Variants in SARM1 observed in about 807,000 individuals in gnomAD.
SARM1 encodes NAD(+) hydrolase SARM1.
Under a neutral mutation model 65.1 loss-of-function variants are expected in SARM1, and 60 were observed. That is an observed-to-expected ratio of 0.92 (90% CI 0.75 to 1.14). The LOEUF is 1.14. Among genes scored for constraint, SARM1 ranks in the 50% most tolerant of loss-of-function variants. The pLI is 0.00. For synonymous variants in SARM1, 417 were observed against 465.4 expected, an observed-to-expected ratio of 0.90 and a Z score of 1.34; for missense variants, 913 against 1,015.7, an observed-to-expected ratio of 0.90 and a Z score of 1.37.
chr17:28,388,694 G>A (rs1469924324), intron 7 of SARM1, among the ~76,000 whole-genome samples, 155 bp downstream of exon 7: 4 of 152,024 alleles, frequency 2.6e-5, no homozygotes, highest in Non-Finnish European at 2.9e-5. Flanking sequence ...AGCTCTGACT[G>A]TAATAGGACT....
At position 28,400,352 on chromosome 17, in the gene SARM1, G is replaced by A. The variant is rs569945738; in HGVS notation, c.*4066G>A. The A allele has an allele frequency of 8.3e-6, 4 of 484,706 alleles. No individual in the cohort carries two copies. Among genetic ancestry groups the A allele is most frequent in the East Asian group, 7.7e-5 (2 of 25,862 alleles). 30.0% of individuals were successfully genotyped at this position (484,706 alleles called of 1,614,324 possible). On this transcript the variant is annotated 3_prime_UTR_variant, in exon 9 of 9. Coordinates refer to ENST00000585482, the MANE Select transcript of SARM1 (RefSeq NM_015077.4). ...AAAATGGGAATGGAGGGAAATAGGG[G>A]AACTGGGAGAGAGAACACAGCCTTG...
rs782299435 is a variant in SARM1, at chr17:28,381,294, T to C, written c.562T>C (p.Leu188=). The C allele has an allele frequency of 1.2e-6, 2 of 1,605,636 alleles. No individual in the cohort carries two copies. Among genetic ancestry groups the C allele is most frequent in the South Asian group, 2.2e-5 (2 of 89,100 alleles). ...GCTGGCGCGGAGCGTGGCAGGCATC[T>C]TGGAGCACATGTTCAAGCATTCGGA... The part of the protein sequence containing the change: ...VELARSVAGI[L]EHMFKHSEET... The change falls in exon 2 of 9, where the codon TTG becomes CTG. Residue 188 remains leucine (L), a synonymous_variant. Transcript: ENST00000585482.
chr17:28,389,120 C>T (rs999086004), intron 7 of SARM1, among the ~76,000 whole-genome samples: 7 of 152,040 alleles, frequency 4.6e-5, no homozygotes, highest in South Asian at 2.1e-4. Flanking sequence ...GAGAGCATAG[C>T]GACAGGCAGA....
intron 7 of SARM1, chr17:28,394,882 TAC>T (rs2068101645): frequency 2.0e-5 from 3 of 152,186 alleles, no homozygotes; most frequent in African/African-American, 7.2e-5. Context: ...GTGCGTATGT[TAC>T]AGTGCTTTGA....
In SARM1 at chr17:28,384,517, T is replaced by G; in HGVS notation, c.1250T>G (p.Val417Gly). ...GTGCCCAGCTGGAAGGAGGCCGAGG[T>G]TCAGACGTGGCTGCAGCAGATCGGT... is the stretch of plus-strand genomic sequence containing the variant. Reference protein sequence around the residue: ...PSVPSWKEAEVQTWLQQIGFS... With the variant: ...PSVPSWKEAEGQTWLQQIGFS... The change falls in exon 3 of 9, where the codon GTT becomes GGT. Residue 417 changes from valine (V) to glycine (G), a missense_variant. This residue lies in a region of SARM1 where 862 missense variants were observed against 952.1 expected (regional missense o/e 0.91). Transcript: ENST00000585482. This position sits in a 1 kb window ranked among gnomAD's most constrained non-coding sequence, Gnocchi z 4.4. 2 of 1,613,262 alleles carry G rather than the reference T, an allele frequency of 1.2e-6. No individual in the cohort carries two copies. Among genetic ancestry groups the G allele is most frequent in the Non-Finnish European group, 1.7e-6 (2 of 1,179,652 alleles).
chr17:28,380,479 T>C (rs1404709889), intron 1 of SARM1, among the ~76,000 whole-genome samples: 1 of 152,182 alleles, frequency 6.6e-6, no homozygotes, highest in Non-Finnish European at 1.5e-5. Flanking sequence ...ATCACTACGA[T>C]CTGGTTCACT....
chr17:28,400,574 C>T lies in SARM1; in HGVS notation c.*4288C>T. On this transcript the variant is annotated 3_prime_UTR_variant, in exon 9 of 9. Transcript: ENST00000585482. ...AAGAGGAAACTTTTAAGAGAAAGGGCTCCATTATGAGCATGGGTTCAGGGC... is the reference window on the plus strand; with the variant it reads ...AAGAGGAAACTTTTAAGAGAAAGGGTTCCATTATGAGCATGGGTTCAGGGC... The T allele has an allele frequency of 6.2e-7, 1 of 1,610,686 alleles. No individual in the cohort carries two copies. The highest frequency in any genetic ancestry group is 8.5e-7 in the Non-Finnish European group (1 of 1,178,238).
At position 28,372,180 on chromosome 17, in the gene SARM1, C is replaced by A; in HGVS notation, c.148C>A (p.Pro50Thr). The stretch of plus-strand genomic sequence containing the variant: ...ATGGTGGGCTGCGGGTGGCCGCGGG[C>A]CCCGCGAAGTGTCGCCGGGGGCAGG... ...GPWWAAGGRG[P>T]REVSPGAGTE... The change falls in exon 1 of 9, where the codon CCC becomes ACC. Residue 50 changes from proline (P) to threonine (T), a missense_variant. Pro to Thr is a conservative substitution (Grantham distance 38). Transcript: ENST00000585482. This position sits in a 1 kb window ranked among gnomAD's most constrained non-coding sequence, Gnocchi z 5.2. 1 of 1,361,848 alleles carries A rather than the reference C, an allele frequency of 7.3e-7. No individual in the cohort carries two copies. The highest frequency in any genetic ancestry group is 1.8e-5 in the South Asian group (1 of 55,298). 84.4% of individuals were successfully genotyped at this position (1,361,848 alleles called of 1,614,324 possible). A position where few individuals can be genotyped will look rare whatever the true frequency, so the allele number is the denominator to read the frequency against.
rs991041226 is a variant in SARM1, at chr17:28,400,431, T to C, written c.*4145T>C. 2.7e-6 allele frequency: 2 copies of C among 745,616 alleles called. No individual in the cohort carries two copies. The highest frequency in any genetic ancestry group is 2.8e-5 in the East Asian group (1 of 36,078). The allele number at this position is 745,616 out of a possible 1,614,324, so 46.2% of individuals were successfully genotyped here. A position where few individuals can be genotyped will look rare whatever the true frequency, so the allele number is the denominator to read the frequency against. ...CTCCACCTAGCTCGCCATCTCGCCCTTGGAAAATGGCTCCTGGAGGATTAG... is the reference window on the plus strand; with the variant it reads ...CTCCACCTAGCTCGCCATCTCGCCCCTGGAAAATGGCTCCTGGAGGATTAG... On this transcript the variant is annotated 3_prime_UTR_variant, in exon 9 of 9. Transcript: ENST00000585482.
chr17:28,384,198 G>A lies in SARM1; in HGVS notation c.1090-159G>A, dbSNP rs1460053036. On this transcript the variant is annotated intron_variant, in intron 2 of 8. Transcript: ENST00000585482. This position sits in a 1 kb window ranked among gnomAD's most constrained non-coding sequence, Gnocchi z 4.4. The stretch of plus-strand genomic sequence containing the variant: ...CAAGAATTGAGAGAACTTCAGGAGG[G>A]GGAATCCGCAGGACCCCATGACTTA... 1.3e-5 allele frequency among the ~76,000 whole-genome samples: 2 copies of A among 152,190 alleles called. No homozygotes were observed. Among genetic ancestry groups the A allele is most frequent in the Non-Finnish European group, 1.5e-5 (1 of 68,040 alleles).
chr17:28,394,285 A>G (rs10853128), intron 7 of SARM1, among the ~76,000 whole-genome samples: 89,923 of 152,106 alleles, frequency 0.59, 27,031 homozygotes, highest in East Asian at 0.72. Context: ...TGGGGGCTTA[A>G]AGATAATGGG....
chr17:28,385,627 T>G lies in SARM1; in HGVS notation c.1630+352T>G, dbSNP rs181945523. ...GGATGCCTGACCATGTCTTGAGAGG[T>G]GCACTGGCGGGGAGGGGTGGCAACA... On this transcript the variant is annotated intron_variant, in intron 5 of 8. Coordinates refer to ENST00000585482, the MANE Select transcript of SARM1 (RefSeq NM_015077.4). The surrounding 1 kb of genome is among the most constrained non-coding windows in gnomAD (Gnocchi z 4.5). Among the ~76,000 whole-genome samples the G allele has an allele frequency of 6.6e-6, 1 of 151,810 alleles. No homozygotes were observed. Among genetic ancestry groups the G allele is most frequent in the Non-Finnish European group, 1.5e-5 (1 of 67,928 alleles).
rs986248835 is a variant in SARM1, at chr17:28,398,102, G to A, written c.*1816G>A. The A allele has an allele frequency of 8.5e-5, 13 of 152,398 alleles. No individual in the cohort carries two copies. The highest frequency in any genetic ancestry group is 3.1e-4 in the African/African-American group (13 of 41,450). 9.4% of individuals were successfully genotyped at this position (152,398 alleles called of 1,614,324 possible). A position where few individuals can be genotyped will look rare whatever the true frequency, so the allele number is the denominator to read the frequency against. Reference sequence around the variant, plus strand: ...GCCAGGGCATGGATATGACAAGCAGGGCAGCCTGGACACTGCCCTCACAGG... The same window carrying A: ...GCCAGGGCATGGATATGACAAGCAGAGCAGCCTGGACACTGCCCTCACAGG... On this transcript the variant is annotated 3_prime_UTR_variant, in exon 9 of 9. Coordinates refer to ENST00000585482, the MANE Select transcript of SARM1 (RefSeq NM_015077.4).
At chr17:28,393,548 C>A (rs2068091765) in intron 7 of SARM1, among the ~76,000 whole-genome samples, 1 of 151,504 alleles carries the variant, frequency 6.6e-6, no homozygotes, top group African/African-American at 2.4e-5. Context: ...AGATCCTGTT[C>A]CCCTGCCCCC....
At position 28,396,292 on chromosome 17, in the gene SARM1, C is replaced by A. The variant is rs1156271162; in HGVS notation, c.*6C>A. The A allele has an allele frequency of 1.1e-5, 18 of 1,613,738 alleles. No homozygotes were observed. The highest frequency in any genetic ancestry group is 1.5e-5 in the Non-Finnish European group (18 of 1,179,796). On this transcript the variant is annotated 3_prime_UTR_variant, in exon 9 of 9. Coordinates refer to ENST00000585482, the MANE Select transcript of SARM1 (RefSeq NM_015077.4). ...CACCCATGGGTCCAACCTAACCAGT[C>A]CCCAGTTCCCCAGCCCTGCTGTGAC...
Position 28,384,763 on chromosome 17 carries a change from C to T in SARM1, c.1303-76C>T. ...CGCCTCCTCCACGCCATCTCCAGTTCCTTCCCTTGCATCTTGTGCTCGAGG... is the reference window on the plus strand; with the variant it reads ...CGCCTCCTCCACGCCATCTCCAGTTTCTTCCCTTGCATCTTGTGCTCGAGG... On this transcript the variant is annotated intron_variant, in intron 3 of 8. Transcript: ENST00000585482. This position sits in a 1 kb window ranked among gnomAD's most constrained non-coding sequence, Gnocchi z 4.4. 1 of 1,388,772 alleles carries T rather than the reference C, an allele frequency of 7.2e-7. No individual in the cohort carries two copies. The highest frequency in any genetic ancestry group is 1.0e-6 in the Non-Finnish European group (1 of 999,344). The allele number at this position is 1,388,772 out of a possible 1,614,324, so 86.0% of individuals were successfully genotyped here.
chr17:28,376,085 G>A (rs1205729957), intron 1 of SARM1, among the ~76,000 whole-genome samples: 1 of 152,154 alleles, frequency 6.6e-6, no homozygotes. Flanking sequence ...AGAACTGGGA[G>A]CTGGGTGAGT....
At position 28,400,717 on chromosome 17, in the gene SARM1, C is replaced by T. The variant is rs761549800; in HGVS notation, c.*4431C>T. The T allele has an allele frequency of 1.9e-6, 3 of 1,604,092 alleles. No homozygotes were observed. The highest frequency in any genetic ancestry group is 1.7e-6 in the Non-Finnish European group (2 of 1,175,560). ...AGAGTGAGTTGAAGATGCCGGAGGC[C>T]GTCAGCATGGCCAGGCTATTCACAC... is the stretch of plus-strand genomic sequence containing the variant. On this transcript the variant is annotated 3_prime_UTR_variant, in exon 9 of 9. Coordinates refer to ENST00000585482, the MANE Select transcript of SARM1 (RefSeq NM_015077.4).
rs112009794 is a variant in SARM1, at chr17:28,372,868, C to T, written c.470+366C>T. On this transcript the variant is annotated intron_variant, in intron 1 of 8. Transcript: ENST00000585482. The surrounding 1 kb of genome is among the most constrained non-coding windows in gnomAD (Gnocchi z 5.2). Reference sequence around the variant, plus strand: ...TCTCCTTCCCACCGGCTTGGGTTCCCGTCTATGACACCTTCTCTCGCCATC... The same window carrying T: ...TCTCCTTCCCACCGGCTTGGGTTCCTGTCTATGACACCTTCTCTCGCCATC... 7.8e-3 allele frequency: 1,728 copies of T among 222,012 alleles called. 33 individuals carry two copies. The highest frequency in any genetic ancestry group is 0.038 in the African/African-American group (1,647 of 43,552). The allele number at this position is 222,012 out of a possible 1,614,324, so 13.8% of individuals were successfully genotyped here.
Sources: allele counts gnomAD v4.1 joint callset (sites outside exome capture counted in the v4.1 genomes callset), GRCh38; gene constraint gnomAD v4.1.1; regional missense constraint gnomAD v4.1.1; non-coding constraint Gnocchi (gnomAD v3.1); transcripts MANE v1.5; gene names NCBI Gene and HGNC (gene_info 2026-07-23, HGNC 2026-07-21).